Variants in STAT5B observed in about 807,000 individuals in gnomAD.
The protein encoded by STAT5B is signal transducer and activator of transcription 5B, also known as transcription factor STAT5B.
A neutral mutation model predicts 107.8 loss-of-function variants in STAT5B; 21 were observed. That is an observed-to-expected ratio of 0.19 (90% CI 0.14 to 0.28). STAT5B has a LOEUF of 0.28. Ranked by LOEUF, STAT5B falls within the 10% of genes least tolerant of loss-of-function variation. The probability of loss-of-function intolerance (pLI) is 1.00; values close to 1 mark genes in which losing one functional copy is unlikely to be tolerated. For synonymous variants in STAT5B, 325 were observed against 401.7 expected (o/e 0.81, Z 2.28); for missense variants, 565 against 1,008.2 (o/e 0.56, Z 5.95).
intron 1 of STAT5B, chr17:42,270,549 T>A (rs1307951070): frequency 6.6e-6 from 1 of 152,168 alleles, no homozygotes; most frequent in Non-Finnish European, 1.5e-5. Context: ...TTTAATATAA[T>A]TTCCACCAGA....
upstream of STAT5B, among the ~76,000 whole-genome samples, chr17:42,277,737 T>A (rs1490412055): frequency 6.6e-6 from 1 of 151,724 alleles, no homozygotes; most frequent in African/African-American, 2.4e-5. Context: ...ATATTTCTCT[T>A]TTATCTTTTC....
chr17:42,225,362 G>A (rs111574460), intron 3 of STAT5B, among the ~76,000 whole-genome samples: 3,601 of 152,172 alleles, frequency 0.024, 147 homozygotes, highest in African/African-American at 0.082. Flanking sequence ...AAGTATCCGG[G>A]GAACATTCTT....
chr17:42,286,272 T>C, the STAT5B span, among the ~76,000 whole-genome samples: 1 of 144,688 alleles, frequency 6.9e-6, no homozygotes, highest in Admixed American at 6.9e-5. Context: ...AGGGGAAATG[T>C]GCAATGAAAG....
intron 1 of STAT5B, chr17:42,234,260 G>A (rs886410182): frequency 6.6e-6 from 1 of 152,172 alleles, no homozygotes; most frequent in African/African-American, 2.4e-5. Context: ...AGGTGTAGGG[G>A]AGTGCCAGTT....
chr17:42,222,200 CTG>C (rs60621852), intron 5 of STAT5B, among the ~76,000 whole-genome samples: 1 of 146,580 alleles, frequency 6.8e-6, no homozygotes, highest in African/African-American at 2.5e-5. Context: ...TCTGTGTGTG[CTG>C]TGTGTGTGTG....
chr17:42,262,971 T>TAA (rs2080627293), intron 1 of STAT5B, among the ~76,000 whole-genome samples: 1 of 17,414 alleles, frequency 5.7e-5, no homozygotes, highest in East Asian at 1.7e-3. Flanking sequence ...TGTGTGTGTG[T>TAA]ATATATATAT....
At chr17:42,252,672 C>T (rs1327612504) in intron 1 of STAT5B, among the ~76,000 whole-genome samples, 1 of 152,168 alleles carries the variant, frequency 6.6e-6, no homozygotes, top group Non-Finnish European at 1.5e-5. Flanking sequence ...GAGTGAATCA[C>T]ACTTTATAGA....
chr17:42,270,896 G>C (rs1447713401), intron 1 of STAT5B: 1 of 152,174 alleles, frequency 6.6e-6, no homozygotes, highest in South Asian at 2.1e-4. Flanking sequence ...TTAACACAAG[G>C]CCAGAGCTGA....
intron 12 of STAT5B, among the ~76,000 whole-genome samples, chr17:42,212,915 A>C (rs1372790286): frequency 6.6e-6 from 1 of 152,206 alleles, no homozygotes; most frequent in Non-Finnish European, 1.5e-5. Flanking sequence ...CACCTAACAC[A>C]GTTTCTTGTG....
intron 1 of STAT5B, among the ~76,000 whole-genome samples, chr17:42,238,931 G>A (rs542413123): frequency 1.3e-5 from 2 of 151,004 alleles, no homozygotes; most frequent in South Asian, 4.2e-4. Context: ...TTTGCCCTAT[G>A]CATACTAAAC....
At chr17:42,285,280 C>A in the STAT5B span, among the ~76,000 whole-genome samples, 1 of 152,036 alleles carries the variant, frequency 6.6e-6, no homozygotes, top group Non-Finnish European at 1.5e-5. Context: ...TTAGTAGACA[C>A]GAGGTTTCAC....
intron 1 of STAT5B, among the ~76,000 whole-genome samples, chr17:42,245,079 T>C (rs1205044643): frequency 1.4e-5 from 2 of 144,056 alleles, no homozygotes; most frequent in Non-Finnish European, 3.0e-5. Flanking sequence ...GCTAATTTTT[T>C]TTTTTTTTTT....
intron 12 of STAT5B, among the ~76,000 whole-genome samples, chr17:42,213,015 G>A (rs2080142165): frequency 6.6e-6 from 1 of 152,094 alleles, no homozygotes; most frequent in Admixed American, 6.6e-5. Context: ...CACATGTTCT[G>A]CATCTTCCTC....
chr17:42,214,869 C>CA (rs2080158084), intron 12 of STAT5B, among the ~76,000 whole-genome samples: 1 of 148,504 alleles, frequency 6.7e-6, no homozygotes. Flanking sequence ...CCCGCCTCAG[C>CA]CCCCCCCAAG....
intron 11 of STAT5B, among the ~76,000 whole-genome samples, chr17:42,216,748 T>G (rs1014742351): frequency 6.6e-6 from 1 of 151,936 alleles, no homozygotes; most frequent in East Asian, 1.9e-4. Context: ...TGGAGTGCAG[T>G]GGCACAATCT....
Position 42,242,029 on chromosome 17 carries a change from C to T in STAT5B, c.-10-9892G>A, listed in dbSNP as rs973044424. Among the ~76,000 whole-genome samples, 9 of 151,910 alleles carry T rather than the reference C, an allele frequency of 5.9e-5. No homozygotes were observed. In the South Asian group the frequency reaches 8.3e-4, roughly 14 times the overall value. ...AAAGAAGCAAACAAGGAAAAATGTG[C>T]CCAGGCAACATAGAGATGATAGTAT... is the stretch of plus-strand genomic sequence containing the variant. On this transcript the variant is annotated intron_variant, in intron 1 of 18. Transcript: ENST00000293328.
Position 42,231,981 on chromosome 17 carries a change from A to G in STAT5B, c.128+19T>C. ...CTTGTGTTTCACAAAATATGATGCA[A>G]ACATCCTTGTTCACCTACCATGCTT... On this transcript the variant is annotated intron_variant, in intron 2 of 18. Coordinates refer to ENST00000293328, the MANE Select transcript of STAT5B (RefSeq NM_012448.4). The G allele has an allele frequency of 1.9e-6, 3 of 1,613,656 alleles. No homozygotes were observed. Among genetic ancestry groups the G allele is most frequent in the Non-Finnish European group, 2.5e-6 (3 of 1,179,690 alleles).
intron 8 of STAT5B, 120 bp from the exon 9 acceptor site, chr17:42,218,450 G>A: frequency 2.0e-6 from 3 of 1,477,042 alleles, no homozygotes; most frequent in Non-Finnish European, 2.7e-6. Context: ...AAGAGCTCGG[G>A]CACAGCCTCT....
intron 1 of STAT5B, among the ~76,000 whole-genome samples, chr17:42,259,648 G>C (rs543207215): frequency 6.6e-6 from 1 of 151,998 alleles, no homozygotes; most frequent in Non-Finnish European, 1.5e-5. Context: ...TTAGCCGGGC[G>C]TGGTGGCAGG....
Sources: gnomAD v4.1 joint callset for allele counts (sites outside exome capture counted in the v4.1 genomes callset) on GRCh38, gnomAD v4.1.1 for gene constraint, MANE v1.5 for transcripts, NCBI Gene and HGNC (gene_info 2026-07-23, HGNC 2026-07-21) for gene names.